The following FHDC1 variants were observed in gnomAD, a reference collection of about 807,000 sequenced individuals.
The protein encoded by FHDC1 is FH2 domain-containing protein 1.
In FHDC1, 25 loss-of-function variants were observed where a neutral mutation model predicts 52.6. The observed-to-expected ratio is 0.48, with a 90% CI of 0.35 to 0.66. The LOEUF is 0.66. Among genes scored for constraint, FHDC1 ranks in the 30% least tolerant of loss-of-function variants. FHDC1 has a pLI of 0.01. For missense variants in FHDC1, 1,459 were observed against 1,452.8 expected (o/e 1.00, Z -0.07); for synonymous variants, 616 against 581.5 (o/e 1.06, Z -0.85).
intron 2 of FHDC1, among the ~76,000 whole-genome samples, chr4:152,947,574 T>C (rs1047525808): frequency 1.3e-5 from 2 of 152,178 alleles, no homozygotes; most frequent in African/African-American, 4.8e-5. Flanking sequence ...AGGGGAGGGC[T>C]GTATCTTAGC....
chr4:152,961,493 T>G (rs1467075063), intron 6 of FHDC1, among the ~76,000 whole-genome samples: 1 of 152,234 alleles, frequency 6.6e-6, no homozygotes, highest in African/African-American at 2.4e-5. Flanking sequence ...CCCTGCCGTC[T>G]CCTTCCGGAG....
the FHDC1 span, among the ~76,000 whole-genome samples, chr4:152,926,804 A>G: frequency 3.5e-5 from 4 of 113,548 alleles, no homozygotes; most frequent in Admixed American, 1.7e-4. Flanking sequence ...ACCCAATGGG[A>G]AAAAAAAAAC....
upstream of FHDC1, among the ~76,000 whole-genome samples, chr4:152,934,834 T>C (rs922446432): frequency 6.6e-6 from 1 of 152,086 alleles, no homozygotes; most frequent in Admixed American, 6.5e-5. Flanking sequence ...TCAATACAGT[T>C]GGGGGGAGGC....
chr4:152,942,101 TG>T (rs781296214), intron 1 of FHDC1, among the ~76,000 whole-genome samples: 4 of 152,154 alleles, frequency 2.6e-5, no homozygotes, highest in Non-Finnish European at 5.9e-5. Flanking sequence ...AGATGTGACA[TG>T]GGCAGCGTGT....
At position 152,943,336 on chromosome 4, in the gene FHDC1, GAAA is replaced by G; in HGVS notation, c.282_284del (p.Lys95del). On this transcript the variant is annotated inframe_deletion, in exon 2 of 12. Coordinates refer to ENST00000511601, the MANE Select transcript of FHDC1 (RefSeq NM_001371116.1). ...TGAACGGCTACAGCCACCTTGGTAA[GAAA>G]AAGCGGATGAGAAGCTTTTTTTGGA... is the stretch of plus-strand genomic sequence containing the variant. 6.3e-7 allele frequency: 1 copy of G among 1,593,026 alleles called. No individual in the cohort carries two copies. Among genetic ancestry groups the G allele is most frequent in the Non-Finnish European group, 8.5e-7 (1 of 1,170,168 alleles).
chr4:152,954,368 G>T, intron 4 of FHDC1, 49 bp downstream of exon 4: 1 of 1,502,100 alleles, frequency 6.7e-7, no homozygotes. Context: ...GATCATAAAA[G>T]CTTAATATTT....
chr4:152,914,322 T>C, the FHDC1 span, among the ~76,000 whole-genome samples: 7 of 152,312 alleles, frequency 4.6e-5, no homozygotes, highest in Admixed American at 1.3e-4. Flanking sequence ...GTCATCGTAA[T>C]GTACAGGAAA....
chr4:152,971,097 C>T (rs1424503443), intron 10 of FHDC1, among the ~76,000 whole-genome samples: 2 of 152,214 alleles, frequency 1.3e-5, no homozygotes, highest in African/African-American at 2.4e-5. Flanking sequence ...AGGCTAGGCT[C>T]AGTGGCTTAC....
At chr4:152,969,990 G>A (rs536820894) in intron 10 of FHDC1, among the ~76,000 whole-genome samples, 21 of 152,228 alleles carry the variant, frequency 1.4e-4, no homozygotes, top group Admixed American at 8.5e-4. Context: ...TAAGTAAAAC[G>A]TTTCATACAG....
chr4:152,963,584 G>A (rs994846549), intron 8 of FHDC1, among the ~76,000 whole-genome samples: 1 of 132,946 alleles, frequency 7.5e-6, no homozygotes, highest in African/African-American at 2.7e-5. Flanking sequence ...GAGCGTTGAG[G>A]GGGAGGGTAA....
intron 11 of FHDC1, among the ~76,000 whole-genome samples, chr4:152,974,406 CAG>C (rs1329248604): frequency 6.6e-6 from 1 of 152,008 alleles, no homozygotes; most frequent in African/African-American, 2.4e-5. Flanking sequence ...AAACTGTAGA[CAG>C]ATTGTTGGGC....
At chr4:152,915,392 GGCGTGA>G in the FHDC1 span, among the ~76,000 whole-genome samples, 2 of 152,234 alleles carry the variant, frequency 1.3e-5, no homozygotes, top group Non-Finnish European at 2.9e-5. Context: ...TGGGATTACA[GGCGTGA>G]GCCACTGTGC....
chr4:152,976,605 C>A lies in FHDC1; in HGVS notation c.3314C>A (p.Pro1105His). ...AAGCGCCCAGAGTCTGCGGAGGGTC[C>A]CAGTGCCAACACGGAGGCCCCTCTG... ...PKKRPESAEG[P>H]SANTEAPLKA... The change falls in exon 12 of 12, where the codon CCC becomes CAC. Residue 1105 changes from proline (P) to histidine (H), a missense_variant. Around this residue, in one of 3 missense-constraint regions of FHDC1, gnomAD observed 939 missense variants for 854.5 expected, o/e 1.10. Coordinates refer to ENST00000511601, the MANE Select transcript of FHDC1 (RefSeq NM_001371116.1). The A allele has an allele frequency of 1.2e-6, 2 of 1,611,344 alleles. No homozygotes were observed. Among genetic ancestry groups the A allele is most frequent in the Non-Finnish European group, 1.7e-6 (2 of 1,179,036 alleles).
chr4:152,962,787 G>A, intron 6 of FHDC1, 27 bp from the exon 7 acceptor site: 1 of 1,599,676 alleles, frequency 6.3e-7, no homozygotes, highest in South Asian at 1.1e-5. Flanking sequence ...GCATCTCTAA[G>A]GTGCTGTGAT....
chr4:152,934,309 G>C (rs746902573), upstream of FHDC1, among the ~76,000 whole-genome samples: 1 of 152,180 alleles, frequency 6.6e-6, no homozygotes, highest in Non-Finnish European at 1.5e-5. Context: ...AGGTAAAGAG[G>C]GGGAGGTGGT....
At chr4:152,953,582 A>T (rs762823177) in intron 3 of FHDC1, 22 bp downstream of exon 3, 1 of 1,597,572 alleles carries the variant, frequency 6.3e-7, no homozygotes, top group South Asian at 1.1e-5. Context: ...CACACATTTG[A>T]AACTTTAGTC....
intron 8 of FHDC1, among the ~76,000 whole-genome samples, chr4:152,963,587 G>A (rs1380955006): frequency 6.6e-6 from 1 of 151,982 alleles, no homozygotes; most frequent in Non-Finnish European, 1.5e-5. Flanking sequence ...CGTTGAGGGG[G>A]AGGGTAATGG....
chr4:152,968,159 T>G, intron 10 of FHDC1, 62 bp downstream of exon 10: 1 of 1,220,282 alleles, frequency 8.2e-7, no homozygotes, highest in Non-Finnish European at 1.2e-6. Context: ...CCGGGGCTGG[T>G]TAAATTTGCA....
chr4:152,921,856 C>T, the FHDC1 span, among the ~76,000 whole-genome samples: 2 of 152,114 alleles, frequency 1.3e-5, no homozygotes, highest in Non-Finnish European at 1.5e-5. Flanking sequence ...ACATTCAAAG[C>T]AGTGTGTAGA....
Sources: allele counts gnomAD v4.1 joint callset (sites outside exome capture counted in the v4.1 genomes callset), GRCh38; gene constraint gnomAD v4.1.1; regional missense constraint gnomAD v4.1.1; transcripts MANE v1.5; gene names NCBI Gene and HGNC (gene_info 2026-07-23, HGNC 2026-07-21).